Variants in IPMK observed in about 807,000 individuals in gnomAD.
IPMK encodes the protein inositol polyphosphate multikinase.
Under a neutral mutation model 45.8 loss-of-function variants are expected in IPMK, and 17 were observed. The observed-to-expected ratio is 0.37, with a 90% CI of 0.25 to 0.56. IPMK has a LOEUF of 0.56. IPMK is among the 20% of genes least tolerant of loss of function. The pLI, the probability that IPMK is intolerant of heterozygous loss-of-function variation, is 0.79. For missense variants in IPMK, 399 were observed against 498.0 expected (o/e 0.80, Z 1.89); for synonymous variants, 180 against 184.3 (o/e 0.98, Z 0.19).
chr10:58,232,510 C>G (rs1325259353), intron 2 of IPMK, among the ~76,000 whole-genome samples: 1 of 152,214 alleles, frequency 6.6e-6, no homozygotes, highest in Non-Finnish European at 1.5e-5. Context: ...CAAATTAGAA[C>G]TCAGGATTAA....
chr10:58,198,265 T>C, intron 5 of IPMK, among the ~76,000 whole-genome samples: 1 of 152,310 alleles, frequency 6.6e-6, no homozygotes, highest in African/African-American at 2.4e-5. Context: ...ACGTTAGGTA[T>C]ATTATTGAAA....
At chr10:58,248,600 G>A (rs2590331) in intron 1 of IPMK, among the ~76,000 whole-genome samples, 49,608 of 152,006 alleles carry the variant, frequency 0.33, 10,479 homozygotes, top group African/African-American at 0.6. Context: ...ATACATTTTT[G>A]TGAACTATAA....
At chr10:58,223,817 C>A (rs536384201) in intron 3 of IPMK, among the ~76,000 whole-genome samples, 15 of 152,264 alleles carry the variant, frequency 9.9e-5, no homozygotes, top group African/African-American at 3.6e-4. Context: ...CTCACGAGAT[C>A]TGATAGTTTT....
At position 58,194,026 on chromosome 10, in the gene IPMK, A is replaced by T. The variant is rs1172132487; in HGVS notation, c.*2050T>A. The T allele has an allele frequency of 6.6e-6, 1 of 151,878 alleles. No individual in the cohort carries two copies. The highest frequency in any genetic ancestry group is 1.5e-5 in the Non-Finnish European group (1 of 67,754). 9.4% of individuals were successfully genotyped at this position (151,878 alleles called of 1,614,324 possible). On this transcript the variant is annotated 3_prime_UTR_variant, in exon 6 of 6. Transcript: ENST00000373935. Reference sequence around the variant, plus strand: ...CTTGCTTTATTAAAAACAAAACATGATCTATTGTATCAAAAAGGTAAGACA... The same window carrying T: ...CTTGCTTTATTAAAAACAAAACATGTTCTATTGTATCAAAAAGGTAAGACA...
intron 4 of IPMK, among the ~76,000 whole-genome samples, chr10:58,205,469 C>G (rs1001863407): frequency 6.6e-6 from 1 of 152,050 alleles, no homozygotes; most frequent in East Asian, 1.9e-4. Flanking sequence ...AGATGCTACT[C>G]GACACCTACT....
At chr10:58,209,453 G>C (rs1391406593) in intron 4 of IPMK, among the ~76,000 whole-genome samples, 2 of 152,196 alleles carry the variant, frequency 1.3e-5, no homozygotes, top group East Asian at 3.8e-4. Context: ...CCTTTGATGT[G>C]GTGCTCTCCC....
At chr10:58,220,888 T>TA (rs1554823445) in intron 3 of IPMK, among the ~76,000 whole-genome samples, 1 of 152,200 alleles carries the variant, frequency 6.6e-6, no homozygotes, top group Non-Finnish European at 1.5e-5. Context: ...AAGTCACTGA[T>TA]AAGTATTAAA....
In IPMK at chr10:58,196,703, A is replaced by G. The variant is rs1165048390; in HGVS notation, c.629-5T>C. ...TATGAAAAAATCTGGAGACTCCTATAAAAAGAAAAATATGAGCGTTATAAT... is the reference window on the plus strand; with the variant it reads ...TATGAAAAAATCTGGAGACTCCTATGAAAAGAAAAATATGAGCGTTATAAT... On this transcript the variant is annotated splice_polypyrimidine_tract_variant and splice_region_variant and intron_variant, in intron 5 of 5. Coordinates refer to ENST00000373935, the MANE Select transcript of IPMK (RefSeq NM_152230.5). 1.3e-6 allele frequency: 2 copies of G among 1,534,904 alleles called. No homozygotes were observed. The highest frequency in any genetic ancestry group is 1.4e-5 in the African/African-American group (1 of 71,758).
Position 58,199,239 on chromosome 10 carries a change from C to A in IPMK, c.628+1G>T. The A allele has an allele frequency of 6.3e-7, 1 of 1,586,880 alleles. No individual in the cohort carries two copies. Among genetic ancestry groups the A allele is most frequent in the Non-Finnish European group, 8.6e-7 (1 of 1,159,570 alleles). On this transcript the variant is annotated splice_donor_variant, in intron 5 of 5. Coordinates refer to ENST00000373935, the MANE Select transcript of IPMK (RefSeq NM_152230.5). LOFTEE classifies it high-confidence loss of function. Reference sequence around the variant, plus strand: ...AAAAGCATTAGTTTTTTAGTCCTTACCATCCTTTATAGTTTCTTTTGTTAA... The same window carrying A: ...AAAAGCATTAGTTTTTTAGTCCTTAACATCCTTTATAGTTTCTTTTGTTAA...
intron 2 of IPMK, among the ~76,000 whole-genome samples, chr10:58,236,782 T>C (rs1397699300): frequency 6.6e-6 from 1 of 151,152 alleles, no homozygotes; most frequent in African/African-American, 2.4e-5. Context: ...CTTGCTGGCC[T>C]GTGCCTGTAG....
chr10:58,224,174 G>A lies in IPMK; in HGVS notation c.373+2869C>T, dbSNP rs140492522. 2.2e-4 allele frequency among the ~76,000 whole-genome samples: 34 copies of A among 152,274 alleles called. No homozygotes were observed. The East Asian group carries it at 6.4e-3, about 29-fold the overall frequency. Reference sequence around the variant, plus strand: ...ATGCAACAGACATGTATGTCAGCTTGTTTCAGTTCATGCCTCCTGCAACAT... The same window carrying A: ...ATGCAACAGACATGTATGTCAGCTTATTTCAGTTCATGCCTCCTGCAACAT... On this transcript the variant is annotated intron_variant, in intron 3 of 5. Coordinates refer to ENST00000373935, the MANE Select transcript of IPMK (RefSeq NM_152230.5).
chr10:58,210,253 C>T (rs1039383987), intron 4 of IPMK, among the ~76,000 whole-genome samples: 1 of 152,250 alleles, frequency 6.6e-6, no homozygotes, highest in East Asian at 1.9e-4. Flanking sequence ...ACGCAGTTGG[C>T]GAGGCTGGTG....
Position 58,233,824 on chromosome 10 carries a change from C to T in IPMK, c.276+3905G>A, listed in dbSNP as rs942837699. 4.6e-5 allele frequency among the ~76,000 whole-genome samples: 7 copies of T among 152,276 alleles called. No homozygotes were observed. In the South Asian group the frequency reaches 1.0e-3, roughly 23 times the overall value. On this transcript the variant is annotated intron_variant, in intron 2 of 5. Coordinates refer to ENST00000373935, the MANE Select transcript of IPMK (RefSeq NM_152230.5). ...TGTTGGGAGTTCTGGCCAGGGCAAT[C>T]AGGCAGGAGAAAGAAGTGAAAGGCA... is the stretch of plus-strand genomic sequence containing the variant.
chr10:58,212,946 C>A, intron 4 of IPMK: 1 of 209,962 alleles, frequency 4.8e-6, no homozygotes, highest in Non-Finnish European at 1.0e-5. Context: ...CCTCCACCAC[C>A]AGGCACAGCC....
chr10:58,252,442 T>G (rs912877081), intron 1 of IPMK, among the ~76,000 whole-genome samples: 2 of 151,786 alleles, frequency 1.3e-5, no homozygotes, highest in Non-Finnish European at 2.9e-5. Flanking sequence ...GACTGTTTTT[T>G]TTTTTTTTTT....
chr10:58,262,806 C>T (rs1839094929), intron 1 of IPMK, among the ~76,000 whole-genome samples: 1 of 152,108 alleles, frequency 6.6e-6, no homozygotes, highest in South Asian at 2.1e-4. Context: ...GGTAATGATA[C>T]ATGTTATCAA....
intron 1 of IPMK, among the ~76,000 whole-genome samples, chr10:58,254,033 T>C (rs1167219354): frequency 6.6e-6 from 1 of 152,190 alleles, no homozygotes; most frequent in East Asian, 1.9e-4. Context: ...TAGGTTGAAT[T>C]TGAATGGTAA....
At chr10:58,223,925 G>T (rs1838375039) in intron 3 of IPMK, among the ~76,000 whole-genome samples, 1 of 151,902 alleles carries the variant, frequency 6.6e-6, no homozygotes, top group South Asian at 2.1e-4. Flanking sequence ...AGTTTCCTGA[G>T]GCCTCATCAG....
At position 58,227,156 on chromosome 10, in the gene IPMK, T is replaced by C; in HGVS notation, c.277-17A>G. The C allele has an allele frequency of 6.5e-7, 1 of 1,541,466 alleles. No homozygotes were observed. The highest frequency in any genetic ancestry group is 1.1e-5 in the South Asian group (1 of 88,758). On this transcript the variant is annotated splice_polypyrimidine_tract_variant and intron_variant, in intron 2 of 5. Coordinates refer to ENST00000373935, the MANE Select transcript of IPMK (RefSeq NM_152230.5). Reference sequence around the variant, plus strand: ...AGCATAAACCTGAAACAGAGAAATATAACATTGCTAGATTCTTACAATGCT... The same window carrying C: ...AGCATAAACCTGAAACAGAGAAATACAACATTGCTAGATTCTTACAATGCT...
Sources: gnomAD v4.1 joint callset for allele counts (sites outside exome capture counted in the v4.1 genomes callset) on GRCh38, gnomAD v4.1.1 for gene constraint, MANE v1.5 for transcripts, NCBI Gene and HGNC (gene_info 2026-07-23, HGNC 2026-07-21) for gene names.